KIF13A: variants seen among roughly 807,000 people sequenced by gnomAD.
KIF13A encodes the protein kinesin family member 13A, also known as kinesin-like protein KIF13A.
A neutral mutation model predicts 212.2 loss-of-function variants in KIF13A; 79 were observed. The ratio of observed to expected loss-of-function variants is 0.37; its 90% CI spans 0.31 to 0.45. The LOEUF is 0.45. Among genes scored for constraint, KIF13A ranks in the 20% least tolerant of loss-of-function variants. The probability of loss-of-function intolerance (pLI) is 1.00; values close to 1 mark genes in which losing one functional copy is unlikely to be tolerated. For synonymous variants in KIF13A, 789 were observed against 808.6 expected (o/e 0.98, Z 0.41); for missense variants, 1,901 against 2,209.0 (o/e 0.86, Z 2.79).
Position 17,778,947 on chromosome 6 carries a change from C to T in KIF13A, c.4092G>A (p.Gln1364=). ...ENILSLERLR[Q]AVTVKEALST... ...TCGGTCCAGATATTCAGTTACTTGCCTGCCGGAGCCGTTCAAGACTCAGAA... is the reference window on the plus strand; with the variant it reads ...TCGGTCCAGATATTCAGTTACTTGCTTGCCGGAGCCGTTCAAGACTCAGAA... The change falls in exon 33 of 39, where the codon CAG becomes CAA. Residue 1364 remains glutamine, a splice_region_variant and synonymous_variant. Coordinates refer to ENST00000259711, the MANE Select transcript of KIF13A (RefSeq NM_022113.6). The T allele has an allele frequency of 6.3e-7, 1 of 1,577,928 alleles. No homozygotes were observed. Among genetic ancestry groups the T allele is most frequent in the Non-Finnish European group, 8.6e-7 (1 of 1,161,472 alleles).
intron 2 of KIF13A, among the ~76,000 whole-genome samples, chr6:17,927,121 AG>A (rs1775559316): frequency 1.4e-5 from 2 of 144,444 alleles, no homozygotes; most frequent in South Asian, 4.8e-4. Flanking sequence ...ACTGGGCAAC[AG>A]AGCAAGACTC....
At chr6:17,879,807 T>A (rs1183768012) in intron 3 of KIF13A, among the ~76,000 whole-genome samples, 1 of 152,216 alleles carries the variant, frequency 6.6e-6, no homozygotes, top group Non-Finnish European at 1.5e-5. Context: ...TGTAATTATA[T>A]GAATAACACA....
Position 17,764,461 on chromosome 6 carries a change from G to A in KIF13A, c.5067C>T (p.Asn1689=), listed in dbSNP as rs1160675438. Residue 1689 remains asparagine (N), a synonymous_variant, in exon 39 of 39, where the codon AAC becomes AAT. Coordinates refer to ENST00000259711, the MANE Select transcript of KIF13A (RefSeq NM_022113.6). This position sits in a 1 kb window ranked among gnomAD's most constrained non-coding sequence, Gnocchi z 5.1. ...AGCCAGTCCTGCACAGTGATTTGGA[G>A]TTTTTCTCAGGGATGCTCTGGGATG... is the stretch of plus-strand genomic sequence containing the variant. ...SPSSQSIPEK[N]SKSLCRTGSC... is the part of the protein sequence containing the mutation. 1 of 1,614,026 alleles carries A rather than the reference G, an allele frequency of 6.2e-7. No homozygotes were observed. The highest frequency in any genetic ancestry group is 8.5e-7 in the Non-Finnish European group (1 of 1,179,896).
intron 4 of KIF13A, among the ~76,000 whole-genome samples, chr6:17,868,734 C>T (rs764175858): frequency 4.6e-5 from 7 of 151,768 alleles, no homozygotes; most frequent in East Asian, 1.9e-4. Flanking sequence ...TGGGCACAGT[C>T]GCTCATGCCT....
chr6:17,966,681 T>C (rs1037078644), intron 2 of KIF13A, among the ~76,000 whole-genome samples: 3 of 152,172 alleles, frequency 2.0e-5, no homozygotes, highest in African/African-American at 7.2e-5. Context: ...TCCCATCAGA[T>C]AGTTTTGAGA....
intron 2 of KIF13A, among the ~76,000 whole-genome samples, chr6:17,960,910 G>T (rs935420289): frequency 6.6e-6 from 1 of 152,146 alleles, no homozygotes; most frequent in African/African-American, 2.4e-5. Context: ...TTTTGAGCAC[G>T]AATTGAGTAC....
chr6:17,794,851 A>C lies in KIF13A; in HGVS notation c.2943-147T>G. 1 of 721,698 alleles carries C rather than the reference A, an allele frequency of 1.4e-6. No individual in the cohort carries two copies. The highest frequency in any genetic ancestry group is 2.7e-5 in the East Asian group (1 of 36,844). The allele number at this position is 721,698 out of a possible 1,614,324, so 44.7% of individuals were successfully genotyped here. ...TAAGTTACTTCCTTATTTAACTCTC[A>C]AAACCAACCTGTCATATTGTTTCTT... On this transcript the variant is annotated intron_variant, in intron 23 of 38. Coordinates refer to ENST00000259711, the MANE Select transcript of KIF13A (RefSeq NM_022113.6). The surrounding 1 kb of genome is among the most constrained non-coding windows in gnomAD (Gnocchi z 4.1).
Position 17,764,916 on chromosome 6 carries a change from C to G in KIF13A, c.4612G>C (p.Ala1538Pro). 1 of 1,612,012 alleles carries G rather than the reference C, an allele frequency of 6.2e-7. No homozygotes were observed. Among genetic ancestry groups the G allele is most frequent in the Non-Finnish European group, 8.5e-7 (1 of 1,178,934 alleles). The change falls in exon 39 of 39, where the codon GCT becomes CCT. Residue 1538 changes from alanine (A) to proline (P), a missense_variant. This residue lies in a region of KIF13A where 687 missense variants were observed against 759.1 expected (regional missense o/e 0.90). Coordinates refer to ENST00000259711, the MANE Select transcript of KIF13A (RefSeq NM_022113.6). This position sits in a 1 kb window ranked among gnomAD's most constrained non-coding sequence, Gnocchi z 5.1. Reference sequence around the variant, plus strand: ...GAACTTATTAGCTTCCTGTTAATAGCTTCCAGCTCATTTTCTTCCTCCTCA... The same window carrying G: ...GAACTTATTAGCTTCCTGTTAATAGGTTCCAGCTCATTTTCTTCCTCCTCA... Reference protein sequence around the residue: ...DSEEEENELEAINRKLISSQP... With the variant: ...DSEEEENELEPINRKLISSQP...
Position 17,796,738 on chromosome 6 carries a change from C to T in KIF13A, c.2873G>A (p.Cys958Tyr), listed in dbSNP as rs371840880. 2.9e-5 allele frequency: 46 copies of T among 1,592,852 alleles called. No individual in the cohort carries two copies. In the Middle Eastern group the frequency reaches 1.0e-3, roughly 34 times the overall value. Reference sequence around the variant, plus strand: ...CCAGATGGAGCTGCCATTTCCAGCACACCGGTGGCCCCATACTTCAATGGC... The same window carrying T: ...CCAGATGGAGCTGCCATTTCCAGCATACCGGTGGCCCCATACTTCAATGGC... ...ALAIEVWGHRCAGNGSSIWEV... is the reference protein window; with the variant it reads ...ALAIEVWGHRYAGNGSSIWEV... Residue 958 changes from cysteine (C) to tyrosine (Y), a missense_variant, in exon 23 of 39, where the codon TGT becomes TAT. By Grantham distance (194) the Cys-to-Tyr change is radical. Coordinates refer to ENST00000259711, the MANE Select transcript of KIF13A (RefSeq NM_022113.6).
rs1392881405 is a variant in KIF13A, at chr6:17,871,236, ATGTG to A, written c.220+2137_220+2140del. ...ATGGCTGAATCAGGCGATTTAATGT[ATGTG>A]TTGTCTCAAATACTTATCTCCTCTA... On this transcript the variant is annotated intron_variant, in intron 4 of 38. Coordinates refer to ENST00000259711, the MANE Select transcript of KIF13A (RefSeq NM_022113.6). The surrounding 1 kb of genome is among the most constrained non-coding windows in gnomAD (Gnocchi z 4.4). Among the ~76,000 whole-genome samples, 1 of 152,148 alleles carries A rather than the reference ATGTG, an allele frequency of 6.6e-6. No individual in the cohort carries two copies. Among genetic ancestry groups the A allele is most frequent in the Non-Finnish European group, 1.5e-5 (1 of 68,026 alleles).
In KIF13A at chr6:17,838,252, C is replaced by T. The variant is rs1415861299; in HGVS notation, c.831-669G>A. Among the ~76,000 whole-genome samples, 4 of 150,162 alleles carry T rather than the reference C, an allele frequency of 2.7e-5. No individual in the cohort carries two copies. Among genetic ancestry groups the T allele is most frequent in the East Asian group, 2.0e-4 (1 of 5,014 alleles). On this transcript the variant is annotated intron_variant, in intron 9 of 38. Coordinates refer to ENST00000259711, the MANE Select transcript of KIF13A (RefSeq NM_022113.6). This position sits in a 1 kb window ranked among gnomAD's most constrained non-coding sequence, Gnocchi z 4.2. ...AGGAAAATTGCTTGAACCCGGGAGG[C>T]GGAGGCTGCAGTGAGCCAAGATCGC...
At chr6:17,792,907 T>C (rs1340136997) in intron 25 of KIF13A, among the ~76,000 whole-genome samples, 1 of 152,142 alleles carries the variant, frequency 6.6e-6, no homozygotes, top group Admixed American at 6.6e-5. Flanking sequence ...ACACTCAGAC[T>C]CCATAGAGAA....
In KIF13A at chr6:17,780,798, G is replaced by A; in HGVS notation, c.3778C>T (p.Leu1260Phe). Reference sequence around the variant, plus strand: ...AACTCCATAGCAGCAGGGTGGCTGAGTTGAACTGTGGTTTTCACAATTAGG... The same window carrying A: ...AACTCCATAGCAGCAGGGTGGCTGAATTGAACTGTGGTTTTCACAATTAGG... ...IYLIVKTTVQ[L>F]SHPAAMELVL... The change falls in exon 31 of 39, where the codon CTC becomes TTC. Residue 1260 changes from leucine (L) to phenylalanine (F), a missense_variant. Transcript: ENST00000259711. The A allele has an allele frequency of 6.2e-7, 1 of 1,614,002 alleles. No individual in the cohort carries two copies. The highest frequency in any genetic ancestry group is 8.5e-7 in the Non-Finnish European group (1 of 1,179,862).
intron 2 of KIF13A, among the ~76,000 whole-genome samples, chr6:17,922,761 ATTCT>A (rs1397569376): frequency 6.6e-6 from 1 of 151,744 alleles, no homozygotes; most frequent in Non-Finnish European, 1.5e-5. Flanking sequence ...TTCTATTATT[ATTCT>A]TTAATTGTAC....
chr6:17,796,344 AT>A (rs996767873), intron 23 of KIF13A, among the ~76,000 whole-genome samples: 8 of 150,626 alleles, frequency 5.3e-5, no homozygotes, highest in African/African-American at 1.9e-4. Context: ...TAAAAAAAAA[AT>A]AAATAAATCC....
intron 13 of KIF13A, among the ~76,000 whole-genome samples, chr6:17,830,602 C>G (rs1451346482): frequency 6.6e-6 from 1 of 152,108 alleles, no homozygotes; most frequent in Non-Finnish European, 1.5e-5. Context: ...GATTATGGGA[C>G]CAAAAGTTAT....
rs1239353309 is a variant in KIF13A, at chr6:17,987,246, C to G, written c.56-102G>C. On this transcript the variant is annotated intron_variant, in intron 1 of 38. Transcript: ENST00000259711. The surrounding 1 kb of genome is among the most constrained non-coding windows in gnomAD (Gnocchi z 7.7). ...GCGGGGCTCCGTCCCTGGAGGCGGCCGAGCCTGGAGACGGCGCCCCGGGCA... is the reference window on the plus strand; with the variant it reads ...GCGGGGCTCCGTCCCTGGAGGCGGCGGAGCCTGGAGACGGCGCCCCGGGCA... 2 of 1,034,762 alleles carry G rather than the reference C, an allele frequency of 1.9e-6. No individual in the cohort carries two copies. The highest frequency in any genetic ancestry group is 2.6e-6 in the Non-Finnish European group (2 of 771,002). 64.1% of individuals were successfully genotyped at this position (1,034,762 alleles called of 1,614,324 possible).
chr6:17,780,403 C>A (rs1453201365), intron 31 of KIF13A, among the ~76,000 whole-genome samples: 1 of 152,180 alleles, frequency 6.6e-6, no homozygotes, highest in Non-Finnish European at 1.5e-5. Context: ...GCCTTTTGTC[C>A]TGGTTTTGTC....
intron 25 of KIF13A, among the ~76,000 whole-genome samples, chr6:17,790,131 TG>T: frequency 6.6e-6 from 1 of 152,200 alleles, no homozygotes; most frequent in Non-Finnish European, 1.5e-5. Flanking sequence ...AAAACTTGGC[TG>T]GGCTCATGCC....
Sources: gnomAD v4.1 joint callset for allele counts (sites outside exome capture counted in the v4.1 genomes callset) on GRCh38, gnomAD v4.1.1 for gene constraint, gnomAD v4.1.1 regional missense constraint, Gnocchi (gnomAD v3.1) non-coding constraint, MANE v1.5 for transcripts, NCBI Gene and HGNC (gene_info 2026-07-23, HGNC 2026-07-21) for gene names.